MYZAP: variants seen among roughly 807,000 people sequenced by gnomAD.
The protein encoded by MYZAP is myocardial zonula adherens protein.
In MYZAP, 66 loss-of-function variants were observed where a neutral mutation model predicts 69.4. The ratio of observed to expected loss-of-function variants is 0.95; its 90% CI spans 0.78 to 1.17. The LOEUF (loss-of-function observed/expected upper bound fraction) is 1.17, where lower values mean the gene tolerates loss of function less well. Among genes scored for constraint, MYZAP ranks in the 50% most tolerant of loss-of-function variants. The probability of loss-of-function intolerance (pLI) is 0.00; values close to 1 mark genes in which losing one functional copy is unlikely to be tolerated. For missense variants in MYZAP, 611 were observed against 556.2 expected (o/e 1.10, Z -0.99); for synonymous variants, 256 against 205.9 (o/e 1.24, Z -2.09).
intron 11 of MYZAP, among the ~76,000 whole-genome samples, chr15:57,666,312 G>A (rs548022496): frequency 1.3e-5 from 2 of 152,150 alleles, no homozygotes; most frequent in Admixed American, 6.5e-5. Context: ...ACAGTTAAGG[G>A]AACACCCTCT....
At position 57,684,942 on chromosome 15, in the gene MYZAP, C is replaced by T. The variant is rs1034624053; in HGVS notation, c.*444C>T. ...GCAGCGTTTCTCTGATACAGAGAGG[C>T]CTGTCCACAAGAAGCATGGGCACCC... is the stretch of plus-strand genomic sequence containing the variant. On this transcript the variant is annotated 3_prime_UTR_variant, in exon 13 of 13. Transcript: ENST00000267853. 6.5e-6 allele frequency: 1 copy of T among 153,958 alleles called. No individual in the cohort carries two copies. The highest frequency in any genetic ancestry group is 1.4e-5 in the Non-Finnish European group (1 of 69,300). 9.5% of individuals were successfully genotyped at this position (153,958 alleles called of 1,614,324 possible).
chr15:57,651,705 G>A (rs1255542062), intron 10 of MYZAP, among the ~76,000 whole-genome samples: 1 of 152,214 alleles, frequency 6.6e-6, no homozygotes. Context: ...TTCATGGTCT[G>A]GTGGGGATAA....
chr15:57,593,984 C>G (rs1425276940), intron 1 of MYZAP, among the ~76,000 whole-genome samples: 4 of 151,954 alleles, frequency 2.6e-5, no homozygotes, highest in Non-Finnish European at 1.5e-5. Context: ...TCCGCCCTAC[C>G]TGTAGAGGCA....
At chr15:57,631,530 C>T (rs2036507268) in intron 6 of MYZAP, among the ~76,000 whole-genome samples, 1 of 151,678 alleles carries the variant, frequency 6.6e-6, no homozygotes, top group Non-Finnish European at 1.5e-5. Flanking sequence ...GTGAATGGGC[C>T]TCCAGGGACA....
In MYZAP at chr15:57,594,384, G is replaced by T. The variant is rs534203896; in HGVS notation, c.75+2275G>T. Among the ~76,000 whole-genome samples, 3 of 152,184 alleles carry T rather than the reference G, an allele frequency of 2.0e-5. No homozygotes were observed. The East Asian group carries it at 5.8e-4, about 29-fold the overall frequency. ...AACTGCCTCGGCCTCCCAAAGTGCT[G>T]GGATTATAGGCATGAGCCACCCAGC... On this transcript the variant is annotated intron_variant, in intron 1 of 12. Transcript: ENST00000267853.
In MYZAP at chr15:57,632,427, G is replaced by C; in HGVS notation, c.679-7G>C. On this transcript the variant is annotated splice_polypyrimidine_tract_variant and splice_region_variant and intron_variant, in intron 6 of 12. Transcript: ENST00000267853. ...AAGCTGTCGTTCTGAAATGAGTCTC[G>C]TTGTAGGTGGAATCGTCCCAAGAAG... The C allele has an allele frequency of 1.2e-6, 2 of 1,614,008 alleles. No individual in the cohort carries two copies. The highest frequency in any genetic ancestry group is 1.7e-6 in the Non-Finnish European group (2 of 1,179,968).
chr15:57,610,390 G>A (rs780590886), intron 2 of MYZAP, among the ~76,000 whole-genome samples: 5 of 152,148 alleles, frequency 3.3e-5, no homozygotes, highest in East Asian at 3.9e-4. Flanking sequence ...ATACAACCTC[G>A]CGGGCTGTTG....
intron 8 of MYZAP, among the ~76,000 whole-genome samples, chr15:57,635,976 C>G (rs534638776): frequency 6.6e-6 from 1 of 152,246 alleles, no homozygotes; most frequent in African/African-American, 2.4e-5. Flanking sequence ...ATAGTCTATG[C>G]CATAATCTGG....
intron 11 of MYZAP, among the ~76,000 whole-genome samples, chr15:57,671,596 C>G (rs1195243400): frequency 6.6e-6 from 1 of 152,000 alleles, no homozygotes; most frequent in Non-Finnish European, 1.5e-5. Flanking sequence ...TATCTACTTT[C>G]AATTGGATAA....
At chr15:57,682,665 A>G (rs748044214) in intron 12 of MYZAP, among the ~76,000 whole-genome samples, 4 of 151,828 alleles carry the variant, frequency 2.6e-5, no homozygotes, top group African/African-American at 9.7e-5. Context: ...CCCCTTCTGA[A>G]CTCCTTAGCC....
chr15:57,680,330 C>G (rs1259316495), intron 12 of MYZAP, among the ~76,000 whole-genome samples: 1 of 152,134 alleles, frequency 6.6e-6, no homozygotes, highest in African/African-American at 2.4e-5. Flanking sequence ...CTAATCTACT[C>G]AGTACCATCT....
intron 2 of MYZAP, among the ~76,000 whole-genome samples, chr15:57,617,134 G>A (rs1177965928): frequency 6.6e-6 from 1 of 152,020 alleles, no homozygotes; most frequent in Non-Finnish European, 1.5e-5. Flanking sequence ...GAATCACAGA[G>A]CCAGGCTTGA....
intron 3 of MYZAP, among the ~76,000 whole-genome samples, chr15:57,620,715 C>T (rs2035752702): frequency 6.6e-6 from 1 of 152,304 alleles, no homozygotes; most frequent in Non-Finnish European, 1.5e-5. Flanking sequence ...ATTTTACTTC[C>T]TTCCATTCCA....
intron 1 of MYZAP, 28 bp downstream of exon 1, chr15:57,592,137 C>G (rs982809553): frequency 4.5e-5 from 58 of 1,287,334 alleles, no homozygotes; most frequent in Admixed American, 8.4e-5. Context: ...GAGCCGCCGC[C>G]GTCCCGTTCC....
At chr15:57,639,308 A>C in intron 9 of MYZAP, 132 bp from the exon 10 acceptor site, 1 of 934,752 alleles carries the variant, frequency 1.1e-6, no homozygotes, top group Non-Finnish European at 1.6e-6. Context: ...TGGCCTCTTG[A>C]AGTGTTGGGA....
intron 2 of MYZAP, among the ~76,000 whole-genome samples, chr15:57,610,719 G>A (rs1323601382): frequency 2.6e-5 from 4 of 152,208 alleles, no homozygotes; most frequent in African/African-American, 9.7e-5. Flanking sequence ...TGCAGCGGGT[G>A]GAGCTGAAAT....
chr15:57,633,650 C>G lies in MYZAP; in HGVS notation c.842C>G (p.Ala281Gly). Residue 281 changes from alanine to glycine, a missense_variant, in exon 8 of 13, where the codon GCC (alanine) becomes GGC (glycine). By Grantham distance (60) the Ala-to-Gly change is moderately conservative (BLOSUM62 0). Coordinates refer to ENST00000267853, the MANE Select transcript of MYZAP (RefSeq NM_001018100.5). The stretch of plus-strand genomic sequence containing the variant: ...AGTTTTCTGAAAGCGATTGAAGAAG[C>G]CAATAAAAAGATGCAAGCAGCAGAG... ...TNSFLKAIEE[A>G]NKKMQAAEIS... 1.9e-6 allele frequency: 3 copies of G among 1,612,488 alleles called. No individual in the cohort carries two copies. Among genetic ancestry groups the G allele is most frequent in the South Asian group, 1.1e-5 (1 of 90,690 alleles).
chr15:57,612,463 G>C (rs181394118), intron 2 of MYZAP, among the ~76,000 whole-genome samples: 3 of 152,340 alleles, frequency 2.0e-5, no homozygotes, highest in Non-Finnish European at 2.9e-5. Context: ...TGTCAAGGAT[G>C]ACTGTATACT....
At chr15:57,595,257 A>G (rs1195660894) in intron 1 of MYZAP, among the ~76,000 whole-genome samples, 2 of 152,242 alleles carry the variant, frequency 1.3e-5, no homozygotes, top group Non-Finnish European at 2.9e-5. Flanking sequence ...TCTGAAAGGC[A>G]TTTATGGATG....
Sources: allele counts gnomAD v4.1 joint callset (sites outside exome capture counted in the v4.1 genomes callset), GRCh38; gene constraint gnomAD v4.1.1; transcripts MANE v1.5; gene names NCBI Gene and HGNC (gene_info 2026-07-23, HGNC 2026-07-21).